The following KLC4 variants were observed in gnomAD, a reference collection of about 807,000 sequenced individuals.
KLC4 encodes the protein kinesin-like protein 8.
A neutral mutation model predicts 77.2 loss-of-function variants in KLC4; 49 were observed. The ratio of observed to expected loss-of-function variants is 0.63; its 90% CI spans 0.50 to 0.80. The LOEUF (loss-of-function observed/expected upper bound fraction) is 0.80, where lower values mean the gene tolerates loss of function less well. KLC4 is among the 30% of genes least tolerant of loss of function. KLC4 has a pLI of 0.00. For missense variants in KLC4, 669 were observed against 793.5 expected, an observed-to-expected ratio of 0.84 and a Z score of 1.89; for synonymous variants, 274 against 314.5, an observed-to-expected ratio of 0.87 and a Z score of 1.36.
At chr6:43,067,182 A>G (rs1401311075) in intron 6 of KLC4, 99 bp downstream of exon 6, 2 of 1,518,166 alleles carry the variant, frequency 1.3e-6, no homozygotes, top group Non-Finnish European at 1.8e-6. Context: ...CAGTCCACTC[A>G]CTAAGGGTGC....
Position 43,070,692 on chromosome 6 carries a change from G to T in KLC4, c.982G>T (p.Val328Phe), listed in dbSNP as rs1362657139. ...CQRALEIREK[V>F]LGTNHPDVAK... Reference sequence around the variant, plus strand: ...TATCCACTCCTTTGTTCCCTTTCAGGTCCTGGGCACGAATCATCCAGATGT... The same window carrying T: ...TATCCACTCCTTTGTTCCCTTTCAGTTCCTGGGCACGAATCATCCAGATGT... Residue 328 changes from valine to phenylalanine, a missense_variant and splice_region_variant, in exon 8 of 16, where the codon GTC becomes TTC. By Grantham distance (50) the Val-to-Phe change is conservative (BLOSUM62 -1). Transcript: ENST00000347162. 3.7e-6 allele frequency: 6 copies of T among 1,610,420 alleles called. No homozygotes were observed. The highest frequency in any genetic ancestry group is 1.6e-4 in the Middle Eastern group (1 of 6,076).
rs372813390 is a variant in KLC4 at position 43,070,775 on chromosome 6, C to T, written c.1065C>T (p.Ala355=). Residue 355 remains alanine (A), a synonymous_variant, in exon 8 of 16, where the codon GCC becomes GCT. Transcript: ENST00000347162. ...LLCQNQGKYE[A]VERYYQRALA... ...GCCAAAACCAGGGCAAGTATGAGGCCGTGGAACGCTACTACCAGCGAGCAC... is the reference window on the plus strand; with the variant it reads ...GCCAAAACCAGGGCAAGTATGAGGCTGTGGAACGCTACTACCAGCGAGCAC... The T allele has an allele frequency of 2.7e-5, 44 of 1,614,010 alleles. No individual in the cohort carries two copies. Among genetic ancestry groups the T allele is most frequent in the African/African-American group, 2.4e-4 (18 of 74,906 alleles).
chr6:43,063,804 TG>T (rs1765289045), intron 3 of KLC4, among the ~76,000 whole-genome samples: 1 of 152,074 alleles, frequency 6.6e-6, no homozygotes, highest in South Asian at 2.1e-4. Context: ...TCTGCCCGCC[TG>T]GGCCTCCCAA....
intron 6 of KLC4, among the ~76,000 whole-genome samples, chr6:43,070,064 A>G (rs550211794): frequency 2.0e-5 from 3 of 150,988 alleles, no homozygotes; most frequent in East Asian, 3.9e-4. Context: ...TGCCTCCTCA[A>G]AGGTAATCTT....
intron 3 of KLC4, among the ~76,000 whole-genome samples, chr6:43,064,391 G>A (rs552394180): frequency 9.2e-5 from 14 of 152,328 alleles, no homozygotes; most frequent in South Asian, 8.3e-4. Context: ...TGATGTGGTC[G>A]TGTGCACCTA....
At chr6:43,072,058 T>A (rs1026103543) in intron 11 of KLC4, 89 bp from the exon 12 acceptor site, 2 of 1,391,090 alleles carry the variant, frequency 1.4e-6, no homozygotes, top group Admixed American at 1.7e-5. Flanking sequence ...TATTTTCTTA[T>A]TTTTTTTCCT....
At position 43,062,905 on chromosome 6, in the gene KLC4, G is replaced by A; in HGVS notation, c.259-12G>A. ...ACCCAGAATCTGGAGCTCAGGGGAT[G>A]TGCCCACCTAGGTGATGCTGGCTCT... On this transcript the variant is annotated splice_polypyrimidine_tract_variant and intron_variant, in intron 2 of 15. Transcript: ENST00000347162. The A allele has an allele frequency of 6.2e-7, 1 of 1,610,768 alleles. No individual in the cohort carries two copies. The highest frequency in any genetic ancestry group is 2.2e-5 in the East Asian group (1 of 44,876).
At chr6:43,065,786 C>A in intron 4 of KLC4, 85 bp downstream of exon 4, 1 of 888,420 alleles carries the variant, frequency 1.1e-6, no homozygotes, top group Non-Finnish European at 1.8e-6. Flanking sequence ...ACAGGACAGT[C>A]ACCATCTAGA....
chr6:43,072,732 T>C (rs1458682217), intron 12 of KLC4, 92 bp from the exon 13 acceptor site: 1 of 1,277,540 alleles, frequency 7.8e-7, no homozygotes. Context: ...AAAAATGTTT[T>C]CCTTCCAGTG....
chr6:43,073,236 C>A lies in KLC4; in HGVS notation c.1643C>A (p.Thr548Asn), dbSNP rs890148302. The A allele has an allele frequency of 8.7e-6, 14 of 1,613,676 alleles. No individual in the cohort carries two copies. The highest frequency in any genetic ancestry group is 1.1e-5 in the Non-Finnish European group (13 of 1,179,742). ...CCTTTCTGCCAGGATGGCAGTGGGA[C>A]CCTGCAGAGGAGTGGCTCTCTTGGC... ...AVEWSGDGSG[T>N]LQRSGSLGKI... The change falls in exon 14 of 16, where the codon ACC becomes AAC. Residue 548 changes from threonine to asparagine, a missense_variant. Physicochemically the swap from Thr to Asn is moderately conservative, Grantham distance 65. Transcript: ENST00000347162.
chr6:43,061,202 G>A lies in KLC4; in HGVS notation c.-25-109G>A. 3 of 1,155,842 alleles carry A rather than the reference G, an allele frequency of 2.6e-6. No homozygotes were observed. In the South Asian group the frequency reaches 4.4e-5, roughly 17 times the overall value. 71.6% of individuals were successfully genotyped at this position (1,155,842 alleles called of 1,614,324 possible). ...TCTCTCTCTCCAGCTAAGCCACAGG[G>A]TCACTCTTACTTTTGTCCCTTCACT... On this transcript the variant is annotated intron_variant, in intron 1 of 15. Transcript: ENST00000347162.
At position 43,068,834 on chromosome 6, in the gene KLC4, G is replaced by A. The variant is rs1307177664; in HGVS notation, c.880-1520G>A. 4.6e-5 allele frequency among the ~76,000 whole-genome samples: 7 copies of A among 151,422 alleles called. No individual in the cohort carries two copies. In the South Asian group the frequency reaches 6.3e-4, roughly 14 times the overall value. ...TCAACAAAATAAGAAGCGGCCCAGC[G>A]CTGTGGCTCACTCCTGTAATTTCAG... On this transcript the variant is annotated intron_variant, in intron 6 of 15. Transcript: ENST00000347162.
chr6:43,070,640 G>T (rs900817599), intron 7 of KLC4, 52 bp from the exon 8 acceptor site: 24 of 1,548,686 alleles, frequency 1.5e-5, no homozygotes, highest in Non-Finnish European at 2.1e-5. Flanking sequence ...ACGTGTGCTT[G>T]TGCACACACA....
intron 6 of KLC4, 86 bp from the exon 7 acceptor site, chr6:43,070,268 G>T: frequency 1.2e-6 from 1 of 847,726 alleles, no homozygotes. Flanking sequence ...AGTGAGTGTT[G>T]GGCCCTGCTG....
In KLC4 at chr6:43,071,329, G is replaced by A. The variant is rs1765712074; in HGVS notation, c.1210G>A (p.Glu404Lys). 6.2e-7 allele frequency: 1 copy of A among 1,613,714 alleles called. No homozygotes were observed. The highest frequency in any genetic ancestry group is 1.7e-5 in the Admixed American group (1 of 59,966). The change falls in exon 9 of 16, where the codon GAG becomes AAG. Residue 404 changes from glutamate (E) to lysine (K), a missense_variant. Coordinates refer to ENST00000347162, the MANE Select transcript of KLC4 (RefSeq NM_201521.3). ...TGCTGAGGCTGAGACACTATACAAA[G>A]AGATCCTGACCCGTGCCCATGTACA... ...KYAEAETLYK[E>K]ILTRAHVQEF...
rs1561913978 is a variant in KLC4, at chr6:43,065,607, T to G, written c.490-13T>G. On this transcript the variant is annotated splice_polypyrimidine_tract_variant and intron_variant, in intron 3 of 15. Coordinates refer to ENST00000347162, the MANE Select transcript of KLC4 (RefSeq NM_201521.3). ...GATATCTTGGCCCTTATATGTTGCTTCTTCCCTTCCAGGAGGAGAAAGAAG... is the reference window on the plus strand; with the variant it reads ...GATATCTTGGCCCTTATATGTTGCTGCTTCCCTTCCAGGAGGAGAAAGAAG... The G allele has an allele frequency of 6.2e-7, 1 of 1,606,144 alleles. No individual in the cohort carries two copies. Among genetic ancestry groups the G allele is most frequent in the Non-Finnish European group, 8.5e-7 (1 of 1,172,822 alleles).
At position 43,059,838 on chromosome 6, in the gene KLC4, G is replaced by T. The variant is rs560275367; in HGVS notation, c.-26+153G>T. The T allele has an allele frequency of 1.1e-5, 13 of 1,161,496 alleles. No homozygotes were observed. In the South Asian group the frequency reaches 3.4e-4, roughly 30 times the overall value. 71.9% of individuals were successfully genotyped at this position (1,161,496 alleles called of 1,614,324 possible). A position where few individuals can be genotyped will look rare whatever the true frequency, so the allele number is the denominator to read the frequency against. On this transcript the variant is annotated intron_variant, in intron 1 of 15. Coordinates refer to ENST00000347162, the MANE Select transcript of KLC4 (RefSeq NM_201521.3). ...CCTTCGCGATTCTTCCCCGCCCCTC[G>T]GCGTCCAGACAGATAGACAGACGAC...
At chr6:43,066,972 C>T in intron 5 of KLC4, 24 bp from the exon 6 acceptor site, 1 of 1,604,376 alleles carries the variant, frequency 6.2e-7, no homozygotes, top group Non-Finnish European at 8.5e-7. Context: ...CAGGGTAACT[C>T]CTGTCACTTT....
At chr6:43,068,333 G>C (rs530334503) in intron 6 of KLC4, among the ~76,000 whole-genome samples, 1 of 149,274 alleles carries the variant, frequency 6.7e-6, no homozygotes, top group African/African-American at 2.5e-5. Context: ...TTAGCCGGGC[G>C]TGGTGGGGGG....
Sources: allele counts gnomAD v4.1 joint callset (sites outside exome capture counted in the v4.1 genomes callset), GRCh38; gene constraint gnomAD v4.1.1; transcripts MANE v1.5; gene names NCBI Gene and HGNC (gene_info 2026-07-23, HGNC 2026-07-21).